GPC6: variants seen among roughly 807,000 people sequenced by gnomAD.
The protein encoded by GPC6 is glypican 6.
Under a neutral mutation model 55.2 loss-of-function variants are expected in GPC6, and 14 were observed. The observed-to-expected ratio is 0.25, with a 90% CI of 0.17 to 0.40. GPC6 has a LOEUF of 0.40. Among genes scored for constraint, GPC6 ranks in the 10% least tolerant of loss-of-function variants. The probability of loss-of-function intolerance (pLI) is 1.00; values close to 1 mark genes in which losing one functional copy is unlikely to be tolerated. For synonymous variants in GPC6, 278 were observed against 259.6 expected, an observed-to-expected ratio of 1.07 and a Z score of -0.68; for missense variants, 641 against 708.5, an observed-to-expected ratio of 0.90 and a Z score of 1.08.
chr13:94,003,023 G>A (rs1441830261), intron 3 of GPC6, among the ~76,000 whole-genome samples: 1 of 152,156 alleles, frequency 6.6e-6, no homozygotes, highest in East Asian at 1.9e-4. Context: ...CTTGAAAGAG[G>A]CAAAAATTGA....
intron 2 of GPC6, among the ~76,000 whole-genome samples, chr13:93,820,841 G>A (rs1485183137): frequency 6.6e-6 from 1 of 152,012 alleles, no homozygotes; most frequent in African/African-American, 2.4e-5. Context: ...TCATTTACAT[G>A]ATTGAGGGAG....
At chr13:93,538,783 A>C (rs1432160730) in intron 1 of GPC6, among the ~76,000 whole-genome samples, 2 of 152,196 alleles carry the variant, frequency 1.3e-5, no homozygotes, top group Non-Finnish European at 2.9e-5. Context: ...TGATGAATTT[A>C]GTATGTTTCC....
chr13:93,557,703 T>C (rs9524131), intron 2 of GPC6, among the ~76,000 whole-genome samples: 128,303 of 152,196 alleles, frequency 0.84, 54,163 homozygotes, highest in East Asian at 0.92. Flanking sequence ...GAAAACCTTC[T>C]GTTAGTTCCA....
intron 4 of GPC6, among the ~76,000 whole-genome samples, chr13:94,068,550 A>G (rs1274602973): frequency 2.0e-5 from 3 of 152,180 alleles, no homozygotes; most frequent in African/African-American, 7.2e-5. Context: ...TCCACAGTCC[A>G]AAGTCTCTTT....
intron 1 of GPC6, among the ~76,000 whole-genome samples, chr13:93,452,008 T>C (rs1878245015): frequency 6.6e-6 from 1 of 152,192 alleles, no homozygotes; most frequent in African/African-American, 2.4e-5. Flanking sequence ...TAGCAAATGC[T>C]TTCTCTGGGT....
At chr13:93,911,253 T>G (rs2140335905) in intron 3 of GPC6, among the ~76,000 whole-genome samples, 1 of 152,266 alleles carries the variant, frequency 6.6e-6, no homozygotes, top group East Asian at 1.9e-4. Context: ...ACCTCAGGTC[T>G]CATATATGTA....
In GPC6 at chr13:93,636,927, GTT is replaced by G. The variant is rs11299933; in HGVS notation, c.319+91520_319+91521del. 1.2e-3 allele frequency among the ~76,000 whole-genome samples: 173 copies of G among 145,164 alleles called. 1 individual carries two copies. Among genetic ancestry groups the G allele is most frequent in the African/African-American group, 3.7e-3 (146 of 39,724 alleles). On this transcript the variant is annotated intron_variant, in intron 2 of 8. Transcript: ENST00000377047. ...TCAAACAGCACAGAATAATGGTATA[GTT>G]TTTTTTTTTTTTTCTCTCTCCTCTT...
chr13:93,236,265 A>G (rs1876231313), intron 1 of GPC6, among the ~76,000 whole-genome samples: 1 of 152,134 alleles, frequency 6.6e-6, no homozygotes, highest in African/African-American at 2.4e-5. Context: ...TAGGAGTACA[A>G]GTGGTTGTTG....
intron 3 of GPC6, among the ~76,000 whole-genome samples, chr13:93,922,232 G>A (rs951440768): frequency 3.3e-5 from 5 of 152,190 alleles, no homozygotes; most frequent in East Asian, 1.9e-4. Context: ...ATTCTATCTC[G>A]TTGGGGAGGC....
intron 3 of GPC6, among the ~76,000 whole-genome samples, chr13:93,986,854 T>A (rs1881054983): frequency 6.6e-6 from 1 of 152,170 alleles, no homozygotes. Context: ...CAACTATTCT[T>A]TTTGCAAATT....
intron 2 of GPC6, among the ~76,000 whole-genome samples, chr13:93,805,345 G>A (rs532807401): frequency 1.3e-5 from 2 of 152,184 alleles, no homozygotes; most frequent in South Asian, 4.1e-4. Context: ...TTACATACCT[G>A]TCACCCTCTA....
intron 4 of GPC6, among the ~76,000 whole-genome samples, chr13:94,047,452 A>C (rs1883771852): frequency 6.6e-6 from 1 of 152,008 alleles, no homozygotes; most frequent in South Asian, 2.1e-4. Flanking sequence ...AAGGGTCAAG[A>C]AATCAGTTAA....
intron 1 of GPC6, among the ~76,000 whole-genome samples, chr13:93,238,253 T>C (rs1876306419): frequency 6.6e-6 from 1 of 152,172 alleles, no homozygotes; most frequent in Non-Finnish European, 1.5e-5. Flanking sequence ...CTCAGCGTTT[T>C]GTAGCTCTCC....
At chr13:93,975,432 G>A (rs1426379001) in intron 3 of GPC6, among the ~76,000 whole-genome samples, 1 of 152,066 alleles carries the variant, frequency 6.6e-6, no homozygotes, top group Non-Finnish European at 1.5e-5. Flanking sequence ...CTTTCTTCAA[G>A]TTATTCATGA....
intron 3 of GPC6, among the ~76,000 whole-genome samples, chr13:93,833,500 G>T (rs532204053): frequency 6.6e-6 from 1 of 152,186 alleles, no homozygotes; most frequent in East Asian, 1.9e-4. Flanking sequence ...AGAAGAGTTA[G>T]AAAACTCAAA....
intron 2 of GPC6, among the ~76,000 whole-genome samples, chr13:93,571,216 A>T (rs1044750932): frequency 6.6e-6 from 1 of 152,092 alleles, no homozygotes; most frequent in African/African-American, 2.4e-5. Flanking sequence ...TCTCGTCCCA[A>T]GCCTAGCTCT....
intron 4 of GPC6, among the ~76,000 whole-genome samples, chr13:94,080,214 C>T (rs1566376374): frequency 6.6e-6 from 1 of 152,130 alleles, no homozygotes; most frequent in Non-Finnish European, 1.5e-5. Context: ...AGACAGACTG[C>T]CTTAGTGTCT....
intron 1 of GPC6, among the ~76,000 whole-genome samples, chr13:93,252,316 C>T (rs928528319): frequency 6.6e-5 from 10 of 152,188 alleles, no homozygotes; most frequent in African/African-American, 2.2e-4. Flanking sequence ...GTTTGACATT[C>T]AATAACTCAA....
chr13:94,334,029 GA>G (rs1268516121), intron 6 of GPC6, among the ~76,000 whole-genome samples: 2 of 152,208 alleles, frequency 1.3e-5, no homozygotes, highest in African/African-American at 4.8e-5. Context: ...TCTGTTTTCT[GA>G]TGCTCCCCAC....
Sources: allele counts gnomAD v4.1 joint callset (sites outside exome capture counted in the v4.1 genomes callset), GRCh38; gene constraint gnomAD v4.1.1; transcripts MANE v1.5; gene names NCBI Gene and HGNC (gene_info 2026-07-23, HGNC 2026-07-21).